The following WIF1 variants were observed in gnomAD, a reference collection of about 807,000 sequenced individuals.
The protein encoded by WIF1 is Wnt inhibitory factor 1.
A neutral mutation model predicts 53.5 loss-of-function variants in WIF1; 35 were observed. That is an observed-to-expected ratio of 0.65 (90% confidence interval 0.50 to 0.87). The LOEUF (loss-of-function observed/expected upper bound fraction) is 0.87, where lower values mean the gene tolerates loss of function less well. WIF1 is among the 40% of genes least tolerant of loss of function. WIF1 has a pLI of 0.00. For synonymous variants in WIF1, 171 were observed against 170.4 expected (o/e 1.00, Z -0.03); for missense variants, 467 against 476.8 (o/e 0.98, Z 0.19).
intron 2 of WIF1, among the ~76,000 whole-genome samples, chr12:65,118,280 A>G (rs1259371571): frequency 6.6e-6 from 1 of 152,256 alleles, no homozygotes; most frequent in Non-Finnish European, 1.5e-5. Context: ...GATACCTTTC[A>G]AAATACTAAT....
chr12:65,074,087 A>G (rs1008820262), intron 3 of WIF1, among the ~76,000 whole-genome samples: 9 of 152,222 alleles, frequency 5.9e-5, no homozygotes, highest in Non-Finnish European at 1.3e-4. Flanking sequence ...CTATCTAAAC[A>G]TGATCTATTA....
At chr12:65,078,238 C>T (rs143543963) in intron 2 of WIF1, among the ~76,000 whole-genome samples, 4,662 of 152,096 alleles carry the variant, frequency 0.031, 242 homozygotes, top group African/African-American at 0.11. Context: ...ACCACCACGC[C>T]CTGCTAATTT....
At chr12:65,051,633 G>C (rs1297444938) in intron 9 of WIF1, among the ~76,000 whole-genome samples, 163 bp from the exon 10 acceptor site, 1 of 152,226 alleles carries the variant, frequency 6.6e-6, no homozygotes, top group Non-Finnish European at 1.5e-5. Context: ...TCTGTTAAGA[G>C]CAACCCATTT....
In WIF1 at chr12:65,109,746, G is replaced by T. The variant is rs1421654133; in HGVS notation, c.288+10671C>A. ...AGTGTTCTTACCTATGTGATCTTGG[G>T]CAAGTAACTTAATTTCTTTCTTCTC... On this transcript the variant is annotated intron_variant, in intron 2 of 9. Transcript: ENST00000286574. Among the ~76,000 whole-genome samples, 10 of 152,248 alleles carry T rather than the reference G, an allele frequency of 6.6e-5. No homozygotes were observed. In the East Asian group the frequency reaches 1.9e-3, roughly 29 times the overall value.
intron 2 of WIF1, among the ~76,000 whole-genome samples, chr12:65,093,894 C>G (rs560126235): frequency 6.6e-6 from 1 of 152,270 alleles, no homozygotes; most frequent in South Asian, 2.1e-4. Context: ...GGATAAAGCT[C>G]TTCTAACACA....
chr12:65,051,285 A>G lies in WIF1; in HGVS notation c.*64T>C, dbSNP rs2136604664. On this transcript the variant is annotated 3_prime_UTR_variant, in exon 10 of 10. Transcript: ENST00000286574. Reference sequence around the variant, plus strand: ...GTAATGAACATTATTTGAACATTCAACACATGAAAGGTTAACAAAGGCTAT... The same window carrying G: ...GTAATGAACATTATTTGAACATTCAGCACATGAAAGGTTAACAAAGGCTAT... 1 of 1,548,578 alleles carries G rather than the reference A, an allele frequency of 6.5e-7. No individual in the cohort carries two copies. The highest frequency in any genetic ancestry group is 2.3e-5 in the East Asian group (1 of 43,280).
At chr12:65,106,148 GA>G (rs1270204682) in intron 2 of WIF1, among the ~76,000 whole-genome samples, 1 of 152,042 alleles carries the variant, frequency 6.6e-6, no homozygotes, top group Non-Finnish European at 1.5e-5. Flanking sequence ...CTTTGCAAGG[GA>G]AAAAGTATGA....
chr12:65,056,896 C>G (rs554419820), intron 7 of WIF1, among the ~76,000 whole-genome samples: 2 of 152,100 alleles, frequency 1.3e-5, no homozygotes, highest in Non-Finnish European at 1.5e-5. Flanking sequence ...GTGATCCCCC[C>G]ACCTCAACCT....
At chr12:65,118,590 C>G (rs1378659492) in intron 2 of WIF1, among the ~76,000 whole-genome samples, 1 of 152,166 alleles carries the variant, frequency 6.6e-6, no homozygotes. Flanking sequence ...ATTAGATCAT[C>G]CACATAGGTG....
chr12:65,059,957 G>A (rs1275143379), intron 7 of WIF1, among the ~76,000 whole-genome samples: 8 of 152,004 alleles, frequency 5.3e-5, no homozygotes, highest in East Asian at 3.9e-4. Flanking sequence ...CAGGTGAGAC[G>A]GCATCATTCT....
intron 7 of WIF1, among the ~76,000 whole-genome samples, chr12:65,060,301 C>T (rs1390775730): frequency 6.6e-6 from 1 of 152,134 alleles, no homozygotes; most frequent in Non-Finnish European, 1.5e-5. Context: ...CCCAAATGTC[C>T]AACAGCTGAT....
chr12:65,121,132 G>A lies in WIF1; in HGVS notation c.60C>T (p.Cys20=), dbSNP rs1434172135. Residue 20 remains cysteine (C), a synonymous_variant, in exon 1 of 10, where the codon TGC becomes TGT. Transcript: ENST00000286574. ...AALWLWSILL[C]LLALRAEAGP... ...CGGCCTCCGCCCGCAGTGCCAGCAG[G>A]CACAGGAGGATGCTCCAGAGCCAGA... The A allele has an allele frequency of 1.3e-6, 2 of 1,549,516 alleles. No homozygotes were observed. Among genetic ancestry groups the A allele is most frequent in the South Asian group, 2.4e-5 (2 of 83,416 alleles).
At chr12:65,107,841 C>T (rs940687908) in intron 2 of WIF1, among the ~76,000 whole-genome samples, 3 of 152,192 alleles carry the variant, frequency 2.0e-5, no homozygotes, top group African/African-American at 7.2e-5. Flanking sequence ...TTTGGAAGAA[C>T]TGACTTGCTC....
At position 65,064,436 on chromosome 12, in the gene WIF1, G is replaced by A. The variant is rs1016979275; in HGVS notation, c.731-1860C>T. Among the ~76,000 whole-genome samples the A allele has an allele frequency of 2.6e-5, 4 of 152,210 alleles. No homozygotes were observed. The South Asian group carries it at 6.2e-4, about 24-fold the overall frequency. On this transcript the variant is annotated intron_variant, in intron 6 of 9. Coordinates refer to ENST00000286574, the MANE Select transcript of WIF1 (RefSeq NM_007191.5). Reference sequence around the variant, plus strand: ...CTAAACTCCTTAGGTCCTAAAGGTTGTGATGTCCCAAGGGCCAATGAAAGT... The same window carrying A: ...CTAAACTCCTTAGGTCCTAAAGGTTATGATGTCCCAAGGGCCAATGAAAGT...
chr12:65,083,390 T>G (rs1185973704), intron 2 of WIF1, among the ~76,000 whole-genome samples: 1 of 152,204 alleles, frequency 6.6e-6, no homozygotes. Flanking sequence ...CTCAGAATTC[T>G]TCTTGTTACC....
At chr12:65,068,249 T>G (rs932549127) in intron 4 of WIF1, among the ~76,000 whole-genome samples, 1 of 152,120 alleles carries the variant, frequency 6.6e-6, no homozygotes, top group Admixed American at 6.6e-5. Flanking sequence ...TAAATGGGCA[T>G]CTGGGGTGTG....
At chr12:65,052,826 T>C (rs1882461118) in intron 9 of WIF1, among the ~76,000 whole-genome samples, 1 of 152,142 alleles carries the variant, frequency 6.6e-6, no homozygotes, top group African/African-American at 2.4e-5. Flanking sequence ...AGGCATCATC[T>C]ACCACACGAG....
rs1366399852 is a variant in WIF1 at position 65,066,756 on chromosome 12, C to T, written c.635-20G>A. 2 of 1,555,930 alleles carry T rather than the reference C, an allele frequency of 1.3e-6. No individual in the cohort carries two copies. The highest frequency in any genetic ancestry group is 1.7e-6 in the Non-Finnish European group (2 of 1,147,372). On this transcript the variant is annotated intron_variant, in intron 5 of 9. Coordinates refer to ENST00000286574, the MANE Select transcript of WIF1 (RefSeq NM_007191.5). The stretch of plus-strand genomic sequence containing the variant: ...AAAGGGCTTATAGGGAGAGAGAACC[C>T]TGATTAAGGCCAAATGGTATTTTGG...
chr12:65,113,103 A>C (rs1282715572), intron 2 of WIF1, among the ~76,000 whole-genome samples: 4 of 152,174 alleles, frequency 2.6e-5, no homozygotes, highest in African/African-American at 9.7e-5. Context: ...TGAGTCGGAG[A>C]GAAAGGCTGC....
Sources: gnomAD v4.1 joint callset for allele counts (sites outside exome capture counted in the v4.1 genomes callset) on GRCh38, gnomAD v4.1.1 for gene constraint, MANE v1.5 for transcripts, NCBI Gene and HGNC (gene_info 2026-07-23, HGNC 2026-07-21) for gene names.